Variants in PHLPP2 observed in about 807,000 individuals in gnomAD.
The protein encoded by PHLPP2 is PH domain leucine-rich repeat-containing protein phosphatase 2.
A neutral mutation model predicts 124.9 loss-of-function variants in PHLPP2; 66 were observed. That is an observed-to-expected ratio of 0.53 (90% CI 0.43 to 0.65). PHLPP2 has a LOEUF of 0.65. Among genes scored for constraint, PHLPP2 ranks in the 30% least tolerant of loss-of-function variants. PHLPP2 has a pLI of 0.00. For missense variants in PHLPP2, 1,685 were observed against 1,600.4 expected (o/e 1.05, Z -0.90); for synonymous variants, 681 against 624.7 (o/e 1.09, Z -1.34).
At chr16:71,655,038 G>A in intron 17 of PHLPP2, 1 of 515,074 alleles carries the variant, frequency 1.9e-6, no homozygotes, top group Non-Finnish European at 3.5e-6. Context: ...ATTCAACAGA[G>A]AAAACAGATG....
intron 3 of PHLPP2, among the ~76,000 whole-genome samples, chr16:71,696,402 C>G (rs1597010373): frequency 6.6e-6 from 1 of 152,098 alleles, no homozygotes. Context: ...TTCAGGAGGC[C>G]AAGGTGGGCA....
At chr16:71,692,230 C>T (rs181445964) in intron 3 of PHLPP2, among the ~76,000 whole-genome samples, 4 of 151,968 alleles carry the variant, frequency 2.6e-5, no homozygotes, top group Middle Eastern at 3.2e-3. Context: ...CCAACACGCC[C>T]GGCTAATATT....
chr16:71,668,656 G>C (rs948583143), intron 11 of PHLPP2, among the ~76,000 whole-genome samples: 35 of 151,896 alleles, frequency 2.3e-4, no homozygotes, highest in Non-Finnish European at 2.6e-4. Flanking sequence ...CAGCTACTGA[G>C]GGGGAGCTGA....
intron 9 of PHLPP2, among the ~76,000 whole-genome samples, chr16:71,675,913 G>A (rs937148781): frequency 6.6e-6 from 1 of 152,008 alleles, no homozygotes; most frequent in Non-Finnish European, 1.5e-5. Flanking sequence ...TAGAAATGGG[G>A]TTTCACCATG....
chr16:71,679,832 C>G (rs2044980588), intron 6 of PHLPP2, among the ~76,000 whole-genome samples: 1 of 152,100 alleles, frequency 6.6e-6, no homozygotes, highest in Non-Finnish European at 1.5e-5. Context: ...CCTGTAATCC[C>G]AGCACTTTGG....
intron 9 of PHLPP2, among the ~76,000 whole-genome samples, chr16:71,675,109 G>T (rs1567618128): frequency 6.6e-6 from 1 of 152,144 alleles, no homozygotes; most frequent in African/African-American, 2.4e-5. Flanking sequence ...TCTAGAATAT[G>T]GTATGTGTGT....
intron 16 of PHLPP2, among the ~76,000 whole-genome samples, chr16:71,655,716 T>C (rs1257840027): frequency 6.6e-6 from 1 of 152,030 alleles, no homozygotes; most frequent in Non-Finnish European, 1.5e-5. Context: ...GGTCTTGATC[T>C]CCTGACCTCA....
Position 71,676,550 on chromosome 16 carries a change from A to G in PHLPP2, c.1368T>C (p.Leu456=). The G allele has an allele frequency of 6.2e-7, 1 of 1,614,042 alleles. No homozygotes were observed. Among genetic ancestry groups the G allele is most frequent in the South Asian group, 1.1e-5 (1 of 91,086 alleles). ...LRDNRLTDLD[L]SSLCSLEQLH... is the part of the protein sequence containing the mutation. ...GCTGTTCCAAGCTGCATAAGGAGCT[A>G]AGATCCAAGTCAGTCAGTCGGTTGT... Residue 456 remains leucine (L), a synonymous_variant, in exon 9 of 19, where the codon CTT becomes CTC. Coordinates refer to ENST00000568954, the MANE Select transcript of PHLPP2 (RefSeq NM_015020.3).
rs374030439 is a variant in PHLPP2, at chr16:71,649,741, T to C, written c.3121A>G (p.Thr1041Ala). 1.2e-6 allele frequency: 2 copies of C among 1,614,200 alleles called. No individual in the cohort carries two copies. The highest frequency in any genetic ancestry group is 1.7e-6 in the Non-Finnish European group (2 of 1,180,028). The change falls in exon 19 of 19, where the codon ACT becomes GCT. Residue 1041 changes from threonine to alanine, a missense_variant. Transcript: ENST00000568954. ...AGGGTGAGCCCATTCATTTCACAAG[T>C]GCAGCCTTCCTCACCAATATTCAAA... ...VYLNIGEEGC[T>A]CEMNGLTLPG...
At chr16:71,684,999 G>A (rs1029675641) in intron 4 of PHLPP2, among the ~76,000 whole-genome samples, 1 of 152,102 alleles carries the variant, frequency 6.6e-6, no homozygotes, top group Non-Finnish European at 1.5e-5. Context: ...CTATTGGAGC[G>A]GTGGCAGGAA....
chr16:71,674,509 T>C (rs111605532), intron 9 of PHLPP2, among the ~76,000 whole-genome samples: 4 of 152,004 alleles, frequency 2.6e-5, no homozygotes, highest in African/African-American at 9.6e-5. Flanking sequence ...AAGAAAACAA[T>C]ATTTCTGTGA....
In PHLPP2 at chr16:71,658,650, T is replaced by C; in HGVS notation, c.2148+3A>G. On this transcript the variant is annotated splice_donor_region_variant and intron_variant, in intron 14 of 18. Transcript: ENST00000568954. Reference sequence around the variant, plus strand: ...AGGACATCATTCCAGCACACAGAAGTACCTGGATCTGAGGCAACTGCAGTA... The same window carrying C: ...AGGACATCATTCCAGCACACAGAAGCACCTGGATCTGAGGCAACTGCAGTA... 1 of 1,613,418 alleles carries C rather than the reference T, an allele frequency of 6.2e-7. No homozygotes were observed. The highest frequency in any genetic ancestry group is 8.5e-7 in the Non-Finnish European group (1 of 1,179,462).
intron 2 of PHLPP2, 51 bp downstream of exon 2, chr16:71,714,461 C>T: frequency 6.6e-7 from 1 of 1,512,336 alleles, no homozygotes; most frequent in Non-Finnish European, 8.8e-7. Flanking sequence ...AGCAGAAACA[C>T]ATTATTATTT....
Position 71,648,974 on chromosome 16 carries a change from T to C in PHLPP2, c.3888A>G (p.Lys1296=). 1 of 1,614,012 alleles carries C rather than the reference T, an allele frequency of 6.2e-7. No homozygotes were observed. ...GCTCGAGCCGGCTGTCCTGGTGCTG[T>C]TTCATTTGTTCCTTCACTTCTTCTT... ...DLEEEVKEQM[K]QHQDSRLEPE... Residue 1296 remains lysine, a synonymous_variant, in exon 19 of 19, where the codon AAA becomes AAG. Transcript: ENST00000568954.
intron 1 of PHLPP2, chr16:71,723,961 G>A (rs2045416908): frequency 3.2e-6 from 1 of 316,286 alleles, no homozygotes; most frequent in Non-Finnish European, 4.6e-6. Context: ...CGCCCCCCGC[G>A]GCCCGCCGGC....
chr16:71,657,945 T>C (rs1028808811), intron 15 of PHLPP2, among the ~76,000 whole-genome samples: 5 of 152,234 alleles, frequency 3.3e-5, no homozygotes, highest in Non-Finnish European at 5.9e-5. Context: ...GAACTTGTAT[T>C]GTCTCTTAGA....
At chr16:71,659,628 A>G (rs551406199) in intron 13 of PHLPP2, among the ~76,000 whole-genome samples, 1 of 152,172 alleles carries the variant, frequency 6.6e-6, no homozygotes, top group African/African-American at 2.4e-5. Context: ...CTAAACATTT[A>G]TCAAGTTCTT....
intron 4 of PHLPP2, among the ~76,000 whole-genome samples, chr16:71,689,347 A>G (rs2045085066): frequency 6.8e-6 from 1 of 146,326 alleles, no homozygotes; most frequent in South Asian, 2.2e-4. Context: ...CCTCCCACCA[A>G]GCAGTTGACA....
intron 3 of PHLPP2, among the ~76,000 whole-genome samples, chr16:71,701,327 CCTACCTACCTACCTA>C (rs201510368): frequency 0.3 from 67 of 222 alleles, 1 homozygote; most frequent in East Asian, 0.5. Context: ...TATCTATCTA[CCTACCTACCTACCTA>C]CTACCTACGT....
Sources: allele counts gnomAD v4.1 joint callset (sites outside exome capture counted in the v4.1 genomes callset), GRCh38; gene constraint gnomAD v4.1.1; transcripts MANE v1.5; gene names NCBI Gene and HGNC (gene_info 2026-07-23, HGNC 2026-07-21).